The following CLYBL variants were observed in gnomAD, a reference collection of about 807,000 sequenced individuals.
CLYBL encodes citramalyl-CoA lyase, mitochondrial.
Under a neutral mutation model 38.9 loss-of-function variants are expected in CLYBL, and 31 were observed. The observed-to-expected ratio is 0.80, with a 90% CI of 0.60 to 1.08. The LOEUF is 1.08. Ranked by LOEUF, CLYBL falls within the 50% of genes least tolerant of loss-of-function variation. The probability of loss-of-function intolerance (pLI) is 0.00; values close to 1 mark genes in which losing one functional copy is unlikely to be tolerated. For missense variants in CLYBL, 434 were observed against 411.6 expected (o/e 1.05, Z -0.47); for synonymous variants, 171 against 158.6 (o/e 1.08, Z -0.59).
chr13:99,868,698 G>T (rs747935419), intron 6 of CLYBL, among the ~76,000 whole-genome samples: 1 of 152,120 alleles, frequency 6.6e-6, no homozygotes, highest in Non-Finnish European at 1.5e-5. Context: ...CAATGCATTG[G>T]CTGTATAAAT....
In CLYBL at chr13:99,865,815, A is replaced by G. The variant is rs9557320; in HGVS notation, c.635-425A>G. ...TCAGAACTTCAGTTTGGACAGGGCA[A>G]TCGCAGCACACACAGTTCTGTGCTT... is the stretch of plus-strand genomic sequence containing the variant. On this transcript the variant is annotated intron_variant, in intron 5 of 8. Coordinates refer to ENST00000339105, the MANE Select transcript of CLYBL (RefSeq NM_206808.5). The surrounding 1 kb of genome is among the most constrained non-coding windows in gnomAD (Gnocchi z 4.7). Among the ~76,000 whole-genome samples the G allele has an allele frequency of 0.032, 4,861 of 152,292 alleles. 105 individuals are homozygous for G. The highest frequency in any genetic ancestry group is 0.1 in the East Asian group (523 of 5,172).
At chr13:99,766,751 C>T (rs570586696) in intron 1 of CLYBL, among the ~76,000 whole-genome samples, 1 of 152,242 alleles carries the variant, frequency 6.6e-6, no homozygotes, top group East Asian at 1.9e-4. Context: ...CACCTCAGCT[C>T]TTAGTAAACT....
chr13:99,713,990 T>G (rs2048274977), intron 1 of CLYBL, among the ~76,000 whole-genome samples: 1 of 142,390 alleles, frequency 7.0e-6, no homozygotes, highest in African/African-American at 2.6e-5. Context: ...CTGGCCGTGT[T>G]TGTTTGTTTG....
Position 99,745,152 on chromosome 13 carries a change from G to T in CLYBL, c.63-27672G>T, listed in dbSNP as rs184067054. ...CCAAATTCAAAAGACAAGCACAAAA[G>T]ATTTTCTGGTTCTCTCCATCTCTAA... On this transcript the variant is annotated intron_variant, in intron 1 of 8. Transcript: ENST00000339105. Among the ~76,000 whole-genome samples the T allele has an allele frequency of 1.4e-3, 210 of 152,316 alleles. 1 individual carries two copies. Among genetic ancestry groups the T allele is most frequent in the African/African-American group, 4.8e-3 (198 of 41,568 alleles).
chr13:99,876,838 A>G (rs1418693797), intron 7 of CLYBL, among the ~76,000 whole-genome samples: 1 of 152,262 alleles, frequency 6.6e-6, no homozygotes, highest in Non-Finnish European at 1.5e-5. Context: ...AAAACGAGAT[A>G]GAGCCTTAAA....
At chr13:99,613,282 C>T (rs1309227017) in intron 1 of CLYBL, among the ~76,000 whole-genome samples, 2 of 151,966 alleles carry the variant, frequency 1.3e-5, no homozygotes, top group Non-Finnish European at 1.5e-5. Flanking sequence ...TTTGCAGTGC[C>T]GTGGTGGAGA....
chr13:99,758,335 T>TA (rs1209019739), intron 1 of CLYBL, among the ~76,000 whole-genome samples: 1 of 152,068 alleles, frequency 6.6e-6, no homozygotes, highest in Non-Finnish European at 1.5e-5. Context: ...ATGGCATATC[T>TA]AAAAAAGGTC....
intron 1 of CLYBL, among the ~76,000 whole-genome samples, chr13:99,746,723 T>C (rs1409944219): frequency 6.6e-6 from 1 of 152,168 alleles, no homozygotes; most frequent in Non-Finnish European, 1.5e-5. Context: ...TTAATTACAA[T>C]TTACCAAATC....
At chr13:99,694,396 T>C (rs956919268) in intron 1 of CLYBL, among the ~76,000 whole-genome samples, 3 of 152,188 alleles carry the variant, frequency 2.0e-5, no homozygotes, top group Admixed American at 2.0e-4. Context: ...CAAGTCTGTG[T>C]TGGGGACTTC....
chr13:99,830,943 C>CA (rs573054226), intron 2 of CLYBL, among the ~76,000 whole-genome samples: 195 of 152,178 alleles, frequency 1.3e-3, no homozygotes, highest in African/African-American at 4.4e-3. Flanking sequence ...TGGGTGGGCC[C>CA]AAAATCCAAT....
intron 2 of CLYBL, among the ~76,000 whole-genome samples, chr13:99,846,043 A>G (rs2051196684): frequency 6.6e-6 from 1 of 151,630 alleles, no homozygotes; most frequent in South Asian, 2.1e-4. Context: ...AACAACCAAG[A>G]ATAAAAAAAA....
intron 1 of CLYBL, among the ~76,000 whole-genome samples, chr13:99,633,133 C>T (rs538195478): frequency 4.6e-4 from 62 of 134,400 alleles, no homozygotes; most frequent in Admixed American, 1.6e-3. Context: ...ATCTCTTGAA[C>T]GTGGGAGGCA....
At chr13:99,727,262 A>G (rs757956088) in intron 1 of CLYBL, 5 of 152,004 alleles carry the variant, frequency 3.3e-5, no homozygotes, top group Non-Finnish European at 7.4e-5. Context: ...AATTGCAGGT[A>G]TTTCTAATAC....
chr13:99,643,345 T>C (rs1471445578), intron 1 of CLYBL, among the ~76,000 whole-genome samples: 2 of 152,212 alleles, frequency 1.3e-5, no homozygotes, highest in Non-Finnish European at 2.9e-5. Flanking sequence ...CTTCAGGCTT[T>C]TCATCAGCAT....
At chr13:99,731,223 A>G (rs979297701) in intron 1 of CLYBL, among the ~76,000 whole-genome samples, 2 of 151,904 alleles carry the variant, frequency 1.3e-5, no homozygotes, top group African/African-American at 4.8e-5. Context: ...GAAAAGTTGT[A>G]TGGTCAAAAT....
At chr13:99,790,809 G>A (rs2049899269) in intron 2 of CLYBL, among the ~76,000 whole-genome samples, 1 of 152,130 alleles carries the variant, frequency 6.6e-6, no homozygotes, top group Admixed American at 6.5e-5. Flanking sequence ...CCACCATTCT[G>A]GGGATTCCCT....
At chr13:99,637,100 GAACC>G (rs2047028820) in intron 1 of CLYBL, among the ~76,000 whole-genome samples, 1 of 152,154 alleles carries the variant, frequency 6.6e-6, no homozygotes, top group Non-Finnish European at 1.5e-5. Context: ...GGCTGGTCTT[GAACC>G]CCTGGTCTCA....
intron 1 of CLYBL, among the ~76,000 whole-genome samples, chr13:99,739,241 A>G (rs1157079315): frequency 6.6e-6 from 1 of 152,168 alleles, no homozygotes; most frequent in African/African-American, 2.4e-5. Context: ...AAGGGATTGC[A>G]TTTTCAAATA....
chr13:99,719,985 A>C (rs998202258), intron 1 of CLYBL, among the ~76,000 whole-genome samples: 3 of 152,102 alleles, frequency 2.0e-5, no homozygotes, highest in Non-Finnish European at 4.4e-5. Context: ...TGTGATTGCT[A>C]ATGTAATCAA....
Sources: gnomAD v4.1 joint callset for allele counts (sites outside exome capture counted in the v4.1 genomes callset) on GRCh38, gnomAD v4.1.1 for gene constraint, Gnocchi (gnomAD v3.1) non-coding constraint, MANE v1.5 for transcripts, NCBI Gene and HGNC (gene_info 2026-07-23, HGNC 2026-07-21) for gene names.